The following OPRM1 variants were observed in gnomAD, a reference collection of about 807,000 sequenced individuals.
OPRM1 encodes the protein mu-type opioid receptor.
OPRM1 carries 27 observed loss-of-function variants against 31.8 expected under a neutral mutation model. That is an observed-to-expected ratio of 0.85 (90% confidence interval 0.63 to 1.17). OPRM1 has a LOEUF of 1.17. Ranked by LOEUF, OPRM1 falls within the 50% of genes most tolerant of loss-of-function variation. OPRM1 has a pLI of 0.00. For synonymous variants in OPRM1, 196 were observed against 189.9 expected, an observed-to-expected ratio of 1.03 and a Z score of -0.26; for missense variants, 536 against 511.1, an observed-to-expected ratio of 1.05 and a Z score of -0.47.
intron 3 of OPRM1, among the ~76,000 whole-genome samples, chr6:154,236,801 C>A (rs1040426608): frequency 6.6e-6 from 1 of 152,122 alleles, no homozygotes; most frequent in Non-Finnish European, 1.5e-5. Flanking sequence ...GCCTCAGCAT[C>A]AGGGTAGAAT....
intron 1 of OPRM1, among the ~76,000 whole-genome samples, chr6:154,086,188 G>T (rs1336223032): frequency 6.6e-6 from 1 of 152,108 alleles, no homozygotes; most frequent in Non-Finnish European, 1.5e-5. Context: ...AAGCCTTTGG[G>T]TATATGCTGG....
intron 3 of OPRM1, among the ~76,000 whole-genome samples, chr6:154,096,523 G>A (rs1029397057): frequency 6.6e-6 from 1 of 151,896 alleles, no homozygotes; most frequent in African/African-American, 2.4e-5. Context: ...GGCAAAAACC[G>A]CAATTATTTT....
chr6:154,227,590 C>T (rs1035790982), intron 3 of OPRM1, among the ~76,000 whole-genome samples: 9 of 152,160 alleles, frequency 5.9e-5, no homozygotes, highest in East Asian at 3.9e-4. Flanking sequence ...TGGCAGCACA[C>T]GCCTATATTC....
rs143644214 is a variant in OPRM1, at chr6:154,212,952, T to G, written c.1165-33741T>G. 34 of 813,428 alleles carry G rather than the reference T, an allele frequency of 4.2e-5. No homozygotes were observed. The African/African-American group carries it at 4.9e-4, about 12-fold the overall frequency. 50.4% of individuals were successfully genotyped at this position (813,428 alleles called of 1,614,324 possible). A position where few individuals can be genotyped will look rare whatever the true frequency, so the allele number is the denominator to read the frequency against. ...TTATCTCCATCTGGCTATTGCAATTTCAATCCAATTCAGAAAGTTCATATC... is the reference window on the plus strand; with the variant it reads ...TTATCTCCATCTGGCTATTGCAATTGCAATCCAATTCAGAAAGTTCATATC... On this transcript the variant is annotated intron_variant, in intron 3 of 3. Transcript: ENST00000337049.
At chr6:154,094,152 A>C in intron 3 of OPRM1, 1 of 979,938 alleles carries the variant, frequency 1.0e-6, no homozygotes, top group Non-Finnish European at 1.4e-6. Context: ...TCTTTGAGGA[A>C]TATATTATAC....
At chr6:154,111,540 GAC>G (rs1166442454) in intron 3 of OPRM1, among the ~76,000 whole-genome samples, 14 of 152,152 alleles carry the variant, frequency 9.2e-5, no homozygotes, top group African/African-American at 3.4e-4. Flanking sequence ...TCCATAGATT[GAC>G]AAGGTTGAAA....
intron 1 of OPRM1, among the ~76,000 whole-genome samples, chr6:154,068,528 A>G (rs953495224): frequency 6.6e-6 from 1 of 152,180 alleles, no homozygotes; most frequent in African/African-American, 2.4e-5. Flanking sequence ...GTCACAAATG[A>G]CAGGACTCCC....
At chr6:154,055,337 A>C (rs1399373818) in intron 1 of OPRM1, among the ~76,000 whole-genome samples, 2 of 152,156 alleles carry the variant, frequency 1.3e-5, no homozygotes, top group African/African-American at 2.4e-5. Context: ...GCAGTGTGCC[A>C]AGATGGTGCC....
intron 3 of OPRM1, among the ~76,000 whole-genome samples, chr6:154,154,326 A>T (rs948514023): frequency 1.3e-5 from 2 of 152,216 alleles, no homozygotes; most frequent in Admixed American, 1.3e-4. Context: ...TGCAAATTTT[A>T]AAAATTCTTT....
rs35501697 is a variant in OPRM1 at position 154,119,619 on chromosome 6, C to CT, written c.*905dup. On this transcript the variant is annotated 3_prime_UTR_variant, in exon 4 of 4. Coordinates refer to ENST00000330432, the MANE Select transcript of OPRM1 (RefSeq NM_000914.5). ...CTGCAGGCTCCCCACATATTATTTT[C>CT]TTTTTTTAACTCAGCTCAGAATCCT... Among the ~76,000 whole-genome samples the CT allele has an allele frequency of 3.9e-5, 6 of 152,106 alleles. No homozygotes were observed. The highest frequency in any genetic ancestry group is 6.6e-5 in the Admixed American group (1 of 15,266).
intron 3 of OPRM1, among the ~76,000 whole-genome samples, chr6:154,111,149 G>A (rs570490650): frequency 5.9e-5 from 9 of 152,216 alleles, no homozygotes; most frequent in South Asian, 2.1e-4. Flanking sequence ...TGCTGAAGTC[G>A]GAGCCCTTGT....
At chr6:154,016,534 TAA>T (rs1327265629) in intron 1 of OPRM1, among the ~76,000 whole-genome samples, 3 of 152,116 alleles carry the variant, frequency 2.0e-5, no homozygotes, top group African/African-American at 7.2e-5. Context: ...AGGCAGTGAG[TAA>T]AGAGTAGCTA....
In OPRM1 at chr6:154,121,810, A is replaced by G. The variant is rs565371749; in HGVS notation, c.*3089A>G. ...ACATTTATCAAAAAGTCCCCAAAGC[A>G]TTCAAAATCTTTACTTAAGTCAAGT... On this transcript the variant is annotated 3_prime_UTR_variant, in exon 4 of 4. Coordinates refer to ENST00000330432, the MANE Select transcript of OPRM1 (RefSeq NM_000914.5). 2.0e-5 allele frequency among the ~76,000 whole-genome samples: 3 copies of G among 152,348 alleles called. No individual in the cohort carries two copies. Among genetic ancestry groups the G allele is most frequent in the Admixed American group, 2.0e-4 (3 of 15,294 alleles).
intron 3 of OPRM1, among the ~76,000 whole-genome samples, chr6:154,245,894 C>G (rs1366688480): frequency 6.6e-6 from 1 of 152,216 alleles, no homozygotes; most frequent in African/African-American, 2.4e-5. Flanking sequence ...AACTTTATTT[C>G]CAGCCATTTT....
At chr6:154,071,273 C>T (rs1047214367) in intron 1 of OPRM1, among the ~76,000 whole-genome samples, 10 of 152,128 alleles carry the variant, frequency 6.6e-5, no homozygotes, top group Admixed American at 6.5e-4. Context: ...AGCTTTCATA[C>T]CCCCAGGTCT....
chr6:154,017,561 CAT>C (rs950634356), intron 1 of OPRM1, among the ~76,000 whole-genome samples: 71 of 152,206 alleles, frequency 4.7e-4, no homozygotes, highest in African/African-American at 1.6e-3. Flanking sequence ...GAACCTATCT[CAT>C]GTGGTTATTC....
intron 3 of OPRM1, among the ~76,000 whole-genome samples, chr6:154,177,656 T>A (rs993433190): frequency 1.1e-4 from 17 of 152,172 alleles, no homozygotes; most frequent in Non-Finnish European, 2.5e-4. Flanking sequence ...CTGGAGAGGA[T>A]GTGGAGAAAT....
chr6:154,085,286 C>A (rs1035526499), intron 1 of OPRM1, among the ~76,000 whole-genome samples: 1 of 152,156 alleles, frequency 6.6e-6, no homozygotes, highest in African/African-American at 2.4e-5. Context: ...GAGCTGCCAG[C>A]AAATGGGCCT....
chr6:154,172,525 C>T (rs1340016913), intron 3 of OPRM1, among the ~76,000 whole-genome samples: 1 of 152,200 alleles, frequency 6.6e-6, no homozygotes, highest in Non-Finnish European at 1.5e-5. Context: ...ACCCATGGAG[C>T]CTTGCTTGCT....
Sources: gnomAD v4.1 joint callset for allele counts (sites outside exome capture counted in the v4.1 genomes callset) on GRCh38, gnomAD v4.1.1 for gene constraint, MANE v1.5 for transcripts, NCBI Gene and HGNC (gene_info 2026-07-23, HGNC 2026-07-21) for gene names.